The following ALK variants were observed in gnomAD, a reference collection of about 807,000 sequenced individuals.
The protein encoded by ALK is ALK tyrosine kinase receptor.
In ALK, 74 loss-of-function variants were observed where a neutral mutation model predicts 163.1. The observed-to-expected ratio is 0.45, with a 90% CI of 0.38 to 0.55. The LOEUF is 0.55. ALK is among the 20% of genes least tolerant of loss of function. The pLI is 0.00. For missense variants in ALK, 2,063 were observed against 2,105.3 expected (o/e 0.98, Z 0.39); for synonymous variants, 960 against 843.2 (o/e 1.14, Z -2.40).
chr2:29,509,218 T>C (rs910934645), intron 4 of ALK, among the ~76,000 whole-genome samples: 5 of 152,200 alleles, frequency 3.3e-5, no homozygotes, highest in African/African-American at 1.2e-4. Flanking sequence ...ATAACAATTC[T>C]AGCTTTGACC....
intron 5 of ALK, among the ~76,000 whole-genome samples, chr2:29,353,994 G>A (rs1668180848): frequency 6.6e-6 from 1 of 152,246 alleles, no homozygotes; most frequent in Admixed American, 6.5e-5. Context: ...TTAAGCACAA[G>A]AGAGCCTGAG....
At chr2:29,805,666 C>T (rs532017210) in intron 1 of ALK, among the ~76,000 whole-genome samples, 84 of 152,290 alleles carry the variant, frequency 5.5e-4, no homozygotes, top group African/African-American at 1.9e-3. Flanking sequence ...CTGCAAAGGA[C>T]ATGATCTTGT....
intron 11 of ALK, among the ~76,000 whole-genome samples, chr2:29,266,662 G>A (rs1375967013): frequency 3.3e-5 from 5 of 152,198 alleles, no homozygotes; most frequent in Non-Finnish European, 7.3e-5. Flanking sequence ...ACGGGGCCCA[G>A]AATCTTTGAC....
chr2:29,805,789 T>C (rs1476659261), intron 1 of ALK, among the ~76,000 whole-genome samples: 1 of 152,182 alleles, frequency 6.6e-6, no homozygotes, highest in Non-Finnish European at 1.5e-5. Flanking sequence ...TTGTGAATAA[T>C]GGGGAGCACT....
intron 3 of ALK, among the ~76,000 whole-genome samples, chr2:29,664,156 G>C (rs1677437718): frequency 6.6e-6 from 1 of 152,062 alleles, no homozygotes; most frequent in Non-Finnish European, 1.5e-5. Flanking sequence ...GATGATCTTA[G>C]CCCACTAAAA....
intron 5 of ALK, 101 bp downstream of exon 5, chr2:29,383,630 TC>T (rs1386765112): frequency 1.3e-6 from 2 of 1,524,502 alleles, no homozygotes. Context: ...TCTAGACTTT[TC>T]TTCATAAGTG....
chr2:29,614,158 TCCTCGGATGCCTG>T (rs1558408662), intron 3 of ALK, among the ~76,000 whole-genome samples: 1 of 152,104 alleles, frequency 6.6e-6, no homozygotes, highest in Non-Finnish European at 1.5e-5. Flanking sequence ...TTCTCTCGGG[TCCTCGGATGCCTG>T]CTGACGAGGG....
At chr2:29,363,315 G>T (rs557674004) in intron 5 of ALK, among the ~76,000 whole-genome samples, 2 of 152,200 alleles carry the variant, frequency 1.3e-5, no homozygotes, top group Non-Finnish European at 2.9e-5. Context: ...GGCCTTCACC[G>T]ATGACAGCTG....
At chr2:29,298,096 T>G (rs1666252106) in intron 8 of ALK, among the ~76,000 whole-genome samples, 1 of 152,244 alleles carries the variant, frequency 6.6e-6, no homozygotes, top group South Asian at 2.1e-4. Flanking sequence ...TTAAGAACCA[T>G]GACTCACGGC....
intron 3 of ALK, among the ~76,000 whole-genome samples, chr2:29,541,813 G>A (rs1001043493): frequency 6.6e-6 from 1 of 152,092 alleles, no homozygotes; most frequent in Admixed American, 6.5e-5. Flanking sequence ...AAAAATTAAC[G>A]GAGAGGTTGA....
At chr2:29,262,655 AC>A (rs1480873373) in intron 11 of ALK, among the ~76,000 whole-genome samples, 1 of 152,220 alleles carries the variant, frequency 6.6e-6, no homozygotes, top group African/African-American at 2.4e-5. Flanking sequence ...ATCCCATGGA[AC>A]AAAGACCAGA....
chr2:29,335,329 G>T (rs969147513), intron 5 of ALK, among the ~76,000 whole-genome samples: 5 of 152,156 alleles, frequency 3.3e-5, no homozygotes, highest in African/African-American at 1.2e-4. Flanking sequence ...ATCACAGGGG[G>T]TTACCTTTAT....
At chr2:29,796,993 C>T (rs575826650) in intron 1 of ALK, among the ~76,000 whole-genome samples, 29 of 143,758 alleles carry the variant, frequency 2.0e-4, no homozygotes, top group South Asian at 4.4e-4. Context: ...CATATATGCA[C>T]GCACACCCAC....
chr2:29,880,701 G>A (rs1472551170), intron 1 of ALK, among the ~76,000 whole-genome samples: 1 of 152,180 alleles, frequency 6.6e-6, no homozygotes, highest in Non-Finnish European at 1.5e-5. Flanking sequence ...TTGGTTATGG[G>A]AAAGCCACAT....
At chr2:29,604,310 A>G (rs1481649441) in intron 3 of ALK, among the ~76,000 whole-genome samples, 1 of 152,112 alleles carries the variant, frequency 6.6e-6, no homozygotes, top group Non-Finnish European at 1.5e-5. Context: ...TCATTTACGT[A>G]TGGTCTATGG....
At chr2:29,866,543 T>C (rs555440995) in intron 1 of ALK, among the ~76,000 whole-genome samples, 19 of 152,316 alleles carry the variant, frequency 1.2e-4, no homozygotes, top group Admixed American at 7.2e-4. Flanking sequence ...AAGAGTTTTT[T>C]AATTTCTATG....
chr2:29,256,506 T>C (rs540202178), intron 11 of ALK, among the ~76,000 whole-genome samples: 1 of 152,116 alleles, frequency 6.6e-6, no homozygotes, highest in Non-Finnish European at 1.5e-5. Flanking sequence ...ACGAAGTAGA[T>C]AACTGGTCTA....
chr2:29,251,942 G>T (rs981204646), intron 11 of ALK, among the ~76,000 whole-genome samples: 2 of 152,224 alleles, frequency 1.3e-5, no homozygotes, highest in African/African-American at 4.8e-5. Context: ...GCAAGGCAGG[G>T]CTCAGGCTCC....
intron 1 of ALK, among the ~76,000 whole-genome samples, chr2:29,805,759 T>A (rs1664593397): frequency 6.6e-6 from 1 of 152,188 alleles, no homozygotes; most frequent in African/African-American, 2.4e-5. Flanking sequence ...GGCATTTAGG[T>A]TGATTCCATG....
Sources: gnomAD v4.1 joint callset for allele counts (sites outside exome capture counted in the v4.1 genomes callset) on GRCh38, gnomAD v4.1.1 for gene constraint, MANE v1.5 for transcripts, NCBI Gene and HGNC (gene_info 2026-07-23, HGNC 2026-07-21) for gene names.